The following RIPOR3 variants were observed in gnomAD, a reference collection of about 807,000 sequenced individuals.
RIPOR3 encodes the protein family with sequence similarity 65 member C.
In RIPOR3, 95 loss-of-function variants were observed where a neutral mutation model predicts 114.3. That is an observed-to-expected ratio of 0.83 (90% CI 0.70 to 0.99). The LOEUF (loss-of-function observed/expected upper bound fraction) is 0.99. Among genes scored for constraint, RIPOR3 ranks in the 50% least tolerant of loss-of-function variants. The pLI, the probability that RIPOR3 is intolerant of heterozygous loss-of-function variation, is 0.00. For synonymous variants in RIPOR3, 575 were observed against 543.8 expected, an observed-to-expected ratio of 1.06 and a Z score of -0.80; for missense variants, 1,252 against 1,266.9, an observed-to-expected ratio of 0.99 and a Z score of 0.18.
At chr20:50,615,108 AGTGTGTGTGTGT>A (rs56136460) in intron 4 of RIPOR3, among the ~76,000 whole-genome samples, 22 of 138,412 alleles carry the variant, frequency 1.6e-4, no homozygotes, top group Non-Finnish European at 2.1e-4. Flanking sequence ...GCTATTTGTG[AGTGTGTGTGTGT>A]GTGTGTGTGT....
At chr20:50,687,329 G>A (rs1248945501) in intron 1 of RIPOR3, among the ~76,000 whole-genome samples, 1 of 152,254 alleles carries the variant, frequency 6.6e-6, no homozygotes, top group Non-Finnish European at 1.5e-5. Flanking sequence ...AGAGAGAGGA[G>A]TTTGGCTGCT....
At chr20:50,605,218 G>A (rs2083663308) in intron 11 of RIPOR3, among the ~76,000 whole-genome samples, 1 of 152,094 alleles carries the variant, frequency 6.6e-6, no homozygotes, top group African/African-American at 2.4e-5. Flanking sequence ...CAGGCCATGA[G>A]CCACTGAGCC....
intron 1 of RIPOR3, among the ~76,000 whole-genome samples, chr20:50,638,219 C>T (rs1175854108): frequency 6.6e-6 from 1 of 152,182 alleles, no homozygotes; most frequent in Non-Finnish European, 1.5e-5. Flanking sequence ...ACAATGAGTG[C>T]CCTGATTTGT....
intron 1 of RIPOR3, among the ~76,000 whole-genome samples, chr20:50,640,112 C>T (rs1365223978): frequency 6.6e-6 from 1 of 152,164 alleles, no homozygotes; most frequent in Admixed American, 6.5e-5. Context: ...GCTCGGGCAC[C>T]TTCCCCTCAC....
chr20:50,631,745 T>C (rs6122956), intron 1 of RIPOR3, among the ~76,000 whole-genome samples: 115,229 of 152,178 alleles, frequency 0.76, 46,255 homozygotes, highest in East Asian at 0.91. Context: ...GAGCCCTGGC[T>C]GTCTTCTCTT....
chr20:50,606,566 C>T (rs916457823), intron 11 of RIPOR3, among the ~76,000 whole-genome samples: 13 of 152,076 alleles, frequency 8.5e-5, no homozygotes, highest in Admixed American at 2.6e-4. Context: ...CTGCATAGGG[C>T]GCCATCCACC....
At chr20:50,609,463 T>C (rs2083864763) in intron 7 of RIPOR3, 107 bp from the exon 8 acceptor site, 1 of 1,490,528 alleles carries the variant, frequency 6.7e-7, no homozygotes, top group East Asian at 2.5e-5. Flanking sequence ...GACGCCTCCT[T>C]GGGGCCCAGA....
At chr20:50,608,282 G>A in intron 11 of RIPOR3, 107 bp downstream of exon 11, 1 of 1,516,256 alleles carries the variant, frequency 6.6e-7, no homozygotes, top group Non-Finnish European at 8.9e-7. Context: ...GTGAGGGCAG[G>A]GACACCCTTG....
intron 4 of RIPOR3, among the ~76,000 whole-genome samples, chr20:50,615,505 A>G (rs1349976149): frequency 6.6e-6 from 1 of 150,870 alleles, no homozygotes; most frequent in Non-Finnish European, 1.5e-5. Context: ...AGCCTGGACA[A>G]CAAAGGGAAA....
intron 11 of RIPOR3, among the ~76,000 whole-genome samples, chr20:50,606,250 G>A (rs957845085): frequency 6.6e-6 from 1 of 152,310 alleles, no homozygotes; most frequent in South Asian, 2.1e-4. Flanking sequence ...CCGCCCTGAG[G>A]GCCCTTAGCC....
In RIPOR3 at chr20:50,586,299, A is replaced by G. The variant is rs753387283; in HGVS notation, c.*933T>C. ...TCAAACCCTAGGTTCTCTCTGCACTATTAACACAGACATCTCAGGACATGG... is the reference window on the plus strand; with the variant it reads ...TCAAACCCTAGGTTCTCTCTGCACTGTTAACACAGACATCTCAGGACATGG... On this transcript the variant is annotated 3_prime_UTR_variant, in exon 22 of 22. Transcript: ENST00000327979. 2 of 152,728 alleles carry G rather than the reference A, an allele frequency of 1.3e-5. No individual in the cohort carries two copies. Among genetic ancestry groups the G allele is most frequent in the East Asian group, 3.8e-4 (2 of 5,208 alleles). The allele number at this position is 152,728 out of a possible 1,614,324, so 9.5% of individuals were successfully genotyped here. A position where few individuals can be genotyped will look rare whatever the true frequency, so the allele number is the denominator to read the frequency against.
At chr20:50,666,221 T>TCCCTTTCC (rs2086227145) in intron 1 of RIPOR3, among the ~76,000 whole-genome samples, 1 of 130,246 alleles carries the variant, frequency 7.7e-6, no homozygotes, top group African/African-American at 3.1e-5. Flanking sequence ...TCTTTTCTTT[T>TCCCTTTCC]CTTTTTTGAG....
intron 1 of RIPOR3, 80 bp from the exon 2 acceptor site, chr20:50,630,936 C>T (rs1242056021): frequency 1.8e-6 from 2 of 1,083,820 alleles, no homozygotes; most frequent in African/African-American, 3.1e-5. Context: ...CTTCCACCAA[C>T]ACCTACAGAC....
At chr20:50,601,396 T>C (rs767707484) in intron 13 of RIPOR3, among the ~76,000 whole-genome samples, 3 of 152,060 alleles carry the variant, frequency 2.0e-5, no homozygotes, top group Non-Finnish European at 4.4e-5. Flanking sequence ...ATGGCGCCGC[T>C]ACAACTCTGT....
intron 1 of RIPOR3, among the ~76,000 whole-genome samples, chr20:50,654,655 CTT>C (rs998836435): frequency 4.6e-4 from 70 of 152,232 alleles, no homozygotes; most frequent in African/African-American, 1.6e-3. Context: ...TTTGTCCTCT[CTT>C]ATATCAGCTT....
At chr20:50,687,858 ACGCCAC>A (rs1042677761) in intron 1 of RIPOR3, among the ~76,000 whole-genome samples, 7 of 151,812 alleles carry the variant, frequency 4.6e-5, no homozygotes, top group Non-Finnish European at 2.9e-5. Flanking sequence ...AGCCATGATT[ACGCCAC>A]TGTCCTCCAG....
chr20:50,618,227 C>T (rs188169794), intron 3 of RIPOR3, among the ~76,000 whole-genome samples: 324 of 134,448 alleles, frequency 2.4e-3, no homozygotes, highest in African/African-American at 8.6e-3. Context: ...AGTGAGATCA[C>T]ACCACCGCAC....
At chr20:50,593,263 G>A (rs2083174169) in intron 17 of RIPOR3, 67 bp from the exon 18 acceptor site, 5 of 1,552,586 alleles carry the variant, frequency 3.2e-6, no homozygotes, top group East Asian at 2.3e-5. Context: ...TCAGCTGGGA[G>A]TAGCCTGGTC....
chr20:50,644,979 A>G lies in RIPOR3; in HGVS notation c.4-14123T>C, dbSNP rs550191689. 2.7e-3 allele frequency among the ~76,000 whole-genome samples: 417 copies of G among 151,768 alleles called. 5 individuals are homozygous for G. The highest frequency in any genetic ancestry group is 9.7e-3 in the African/African-American group (401 of 41,360). ...CTCAGCCTCCCGAGTAGCTGAGATTACAAGCACACGCCACCAAGCCCAGCT... is the reference window on the plus strand; with the variant it reads ...CTCAGCCTCCCGAGTAGCTGAGATTGCAAGCACACGCCACCAAGCCCAGCT... On this transcript the variant is annotated intron_variant, in intron 1 of 21. Transcript: ENST00000327979.
Sources: gnomAD v4.1 joint callset for allele counts (sites outside exome capture counted in the v4.1 genomes callset) on GRCh38, gnomAD v4.1.1 for gene constraint, MANE v1.5 for transcripts, NCBI Gene and HGNC (gene_info 2026-07-23, HGNC 2026-07-21) for gene names.